Variants in CASP5 observed in about 807,000 individuals in gnomAD.
CASP5 encodes the protein caspase-5.
In CASP5, 42 loss-of-function variants were observed where a neutral mutation model predicts 45.2. The observed-to-expected ratio is 0.93, with a 90% CI of 0.73 to 1.20. The LOEUF (loss-of-function observed/expected upper bound fraction) is 1.20. Ranked by LOEUF, CASP5 falls within the 50% of genes most tolerant of loss-of-function variation. CASP5 has a pLI of 0.00. For synonymous variants in CASP5, 209 were observed against 186.2 expected (o/e 1.12, Z -1.00); for missense variants, 512 against 532.2 (o/e 0.96, Z 0.37).
chr11:104,998,724 G>T (rs1382486560), intron 7 of CASP5, among the ~76,000 whole-genome samples, 161 bp downstream of exon 7: 1 of 152,048 alleles, frequency 6.6e-6, no homozygotes, highest in Non-Finnish European at 1.5e-5. Flanking sequence ...GAGGGGGAAG[G>T]AATCTATTCT....
intron 6 of CASP5, 143 bp from the exon 7 acceptor site, chr11:104,999,171 A>G: frequency 1.5e-6 from 1 of 663,318 alleles, no homozygotes; most frequent in Non-Finnish European, 2.4e-6. Context: ...GCCCACATGC[A>G]TTAAGTATTT....
rs1465308218 is a variant in CASP5, at chr11:105,003,327, T to G, written c.490A>C (p.Lys164Gln). The G allele has an allele frequency of 5.6e-6, 9 of 1,606,798 alleles. No homozygotes were observed. The highest frequency in any genetic ancestry group is 6.8e-6 in the Non-Finnish European group (8 of 1,177,240). ...AGGAATTCTTCACGAGGACAAAGTT[T>G]GAGTATATTTGTAGATTCTGCTGAC... ...PESAESTNIL[K>Q]LCPREEFLRL... Residue 164 changes from lysine to glutamine, a missense_variant, in exon 4 of 10, where the codon AAA becomes CAA. Transcript: ENST00000260315.
intron 1 of CASP5, among the ~76,000 whole-genome samples, chr11:105,020,408 C>A (rs1591181539): frequency 6.6e-6 from 1 of 150,748 alleles, no homozygotes; most frequent in African/African-American, 2.4e-5. Context: ...CTAGAAAACC[C>A]CATTGTCTCA....
At chr11:105,021,291 A>C (rs1218540742) in intron 1 of CASP5, among the ~76,000 whole-genome samples, 1 of 145,848 alleles carries the variant, frequency 6.9e-6, no homozygotes, top group Non-Finnish European at 1.5e-5. Flanking sequence ...ATGGCAACAG[A>C]AGCCAAAATT....
At chr11:105,005,352 ATATATGTGTG>A (rs1184109851) in intron 3 of CASP5, among the ~76,000 whole-genome samples, 1,447 of 132,000 alleles carry the variant, frequency 0.011, 28 homozygotes, top group African/African-American at 0.038. Context: ...GTGTGTATAT[ATATATGTGTG>A]TGTGTGTGTG....
At chr11:105,011,421 C>T (rs919708842) in intron 1 of CASP5, among the ~76,000 whole-genome samples, 5 of 151,664 alleles carry the variant, frequency 3.3e-5, no homozygotes, top group Admixed American at 2.6e-4. Flanking sequence ...CCACTTTCAC[C>T]GCTTCTATTC....
At chr11:105,007,875 T>C (rs1057466652) in intron 2 of CASP5, among the ~76,000 whole-genome samples, 2 of 152,166 alleles carry the variant, frequency 1.3e-5, no homozygotes, top group South Asian at 2.1e-4. Flanking sequence ...GTACTTAGCA[T>C]GCTTGCTAAA....
intron 8 of CASP5, 98 bp from the exon 9 acceptor site, chr11:104,995,940 C>T: frequency 1.3e-6 from 1 of 754,268 alleles, no homozygotes. Flanking sequence ...AGAGAGCTTC[C>T]AGGGTTGATA....
rs1193803525 is a variant in CASP5 at position 104,995,632 on chromosome 11, A to G, written c.*4+108T>C. 7.6e-6 allele frequency: 5 copies of G among 659,202 alleles called. No individual in the cohort carries two copies. In the Admixed American group the frequency reaches 8.0e-5, roughly 11 times the overall value. The allele number at this position is 659,202 out of a possible 1,614,324, so 40.8% of individuals were successfully genotyped here. On this transcript the variant is annotated intron_variant, in intron 9 of 9. Transcript: ENST00000260315. ...AATACTCACCAGACTACATCAATAAAGAACACTAACTTGACCATATAAGCA... is the reference window on the plus strand; with the variant it reads ...AATACTCACCAGACTACATCAATAAGGAACACTAACTTGACCATATAAGCA...
intron 1 of CASP5, among the ~76,000 whole-genome samples, chr11:105,011,525 C>T (rs1862343381): frequency 6.6e-6 from 1 of 151,662 alleles, no homozygotes. Flanking sequence ...TTATGAATGA[C>T]ATGATCTTAC....
In CASP5 at chr11:105,007,264, A is replaced by C; in HGVS notation, c.252T>G (p.Phe84Leu). 1 of 1,612,066 alleles carries C rather than the reference A, an allele frequency of 6.2e-7. No individual in the cohort carries two copies. Among genetic ancestry groups the C allele is most frequent in the Non-Finnish European group, 8.5e-7 (1 of 1,179,426 alleles). ...GAACATCGTGTTTTGCCAAATAATT[A>C]AAAACACCATGAAGAACATCTTTGC... ...YLGKDVLHGV[F>L]NYLAKHDVLT... Residue 84 changes from phenylalanine to leucine, a missense_variant, in exon 3 of 10, where the codon TTT becomes TTG. Transcript: ENST00000260315.
chr11:105,008,091 C>T (rs942139567), intron 2 of CASP5, among the ~76,000 whole-genome samples: 3 of 151,854 alleles, frequency 2.0e-5, no homozygotes, highest in African/African-American at 7.3e-5. Flanking sequence ...ATTTTTTTGC[C>T]TGGCCCTCTT....
At chr11:105,009,175 C>A in intron 1 of CASP5, 195 bp from the exon 2 acceptor site, 2 of 598,126 alleles carry the variant, frequency 3.3e-6, no homozygotes, top group Admixed American at 6.1e-5. Context: ...CTGTGTTTAA[C>A]AATTCATTGC....
At chr11:105,005,352 ATATATGTGTGTGTGTGTGTGTGTG>A (rs1861951349) in intron 3 of CASP5, among the ~76,000 whole-genome samples, 2 of 132,016 alleles carry the variant, frequency 1.5e-5, no homozygotes, top group African/African-American at 5.6e-5. Flanking sequence ...GTGTGTATAT[ATATATGTGTGTGTGTGTGTGTGTG>A]TGTGTGTGTG....
intron 1 of CASP5, among the ~76,000 whole-genome samples, chr11:105,009,758 T>TATATATATATATACAC (rs1555079440): frequency 9.5e-4 from 86 of 90,268 alleles, no homozygotes; most frequent in Non-Finnish European, 1.5e-3. Flanking sequence ...TATATATATA[T>TATATATATATATACAC]ACACACACAC....
At chr11:105,016,135 C>A (rs574518474) in intron 1 of CASP5, among the ~76,000 whole-genome samples, 13 of 152,140 alleles carry the variant, frequency 8.5e-5, no homozygotes, top group African/African-American at 1.2e-4. Context: ...AACTGACCAC[C>A]TTTGCTAATG....
At chr11:105,005,814 TA>T (rs890513105) in intron 3 of CASP5, among the ~76,000 whole-genome samples, 3 of 152,206 alleles carry the variant, frequency 2.0e-5, no homozygotes, top group African/African-American at 7.2e-5. Flanking sequence ...CTCTGATTTT[TA>T]AAAACCGATA....
At chr11:105,005,438 T>G (rs1861957989) in intron 3 of CASP5, among the ~76,000 whole-genome samples, 1 of 151,858 alleles carries the variant, frequency 6.6e-6, no homozygotes, top group East Asian at 1.9e-4. Flanking sequence ...ATTCTTCTTA[T>G]CCTGCACTCC....
chr11:105,017,960 G>T (rs570522411), intron 1 of CASP5, among the ~76,000 whole-genome samples: 1 of 152,048 alleles, frequency 6.6e-6, no homozygotes, highest in Non-Finnish European at 1.5e-5. Context: ...CAGATCTCTC[G>T]GCAGAAACTC....
Sources: allele counts gnomAD v4.1 joint callset (sites outside exome capture counted in the v4.1 genomes callset), GRCh38; gene constraint gnomAD v4.1.1; transcripts MANE v1.5; gene names NCBI Gene and HGNC (gene_info 2026-07-23, HGNC 2026-07-21).